Variants in TMTC2 observed in about 807,000 individuals in gnomAD.
The protein encoded by TMTC2 is protein O-mannosyl-transferase TMTC2.
A neutral mutation model predicts 82.4 loss-of-function variants in TMTC2; 43 were observed. The observed-to-expected ratio is 0.52, with a 90% confidence interval of 0.41 to 0.67. TMTC2 has a LOEUF of 0.67. Among genes scored for constraint, TMTC2 ranks in the 30% least tolerant of loss-of-function variants. The pLI is 0.00. For missense variants in TMTC2, 919 were observed against 1,012.4 expected, an observed-to-expected ratio of 0.91 and a Z score of 1.25; for synonymous variants, 408 against 381.9, an observed-to-expected ratio of 1.07 and a Z score of -0.80.
intron 1 of TMTC2, among the ~76,000 whole-genome samples, chr12:82,720,507 C>T (rs4509844): frequency 0.29 from 43,587 of 151,950 alleles, 7,370 homozygotes; most frequent in East Asian, 0.51. Flanking sequence ...GTTGTTTCCA[C>T]CTGTTGGTGA....
At chr12:82,820,971 G>C (rs548259618) in intron 1 of TMTC2, among the ~76,000 whole-genome samples, 1 of 152,082 alleles carries the variant, frequency 6.6e-6, no homozygotes, top group Admixed American at 6.5e-5. Context: ...CGATCTTCCT[G>C]CCTCCACTTC....
At chr12:83,038,185 T>C (rs1347271971) in intron 9 of TMTC2, among the ~76,000 whole-genome samples, 1 of 150,552 alleles carries the variant, frequency 6.6e-6, no homozygotes, top group East Asian at 2.0e-4. Context: ...ATACCTAATG[T>C]TAAATGACGA....
At chr12:82,801,842 C>T (rs1029680078) in intron 1 of TMTC2, among the ~76,000 whole-genome samples, 15 of 152,224 alleles carry the variant, frequency 9.9e-5, no homozygotes, top group East Asian at 3.9e-4. Flanking sequence ...CTGAGCTAGA[C>T]GCAGGGTGCT....
chr12:82,749,138 G>T (rs939019202), intron 1 of TMTC2, among the ~76,000 whole-genome samples: 3 of 152,180 alleles, frequency 2.0e-5, no homozygotes, highest in Non-Finnish European at 4.4e-5. Context: ...CGTCAAATAT[G>T]TGCATAGCAC....
chr12:82,833,850 T>G (rs1869885426), intron 1 of TMTC2, among the ~76,000 whole-genome samples: 1 of 152,192 alleles, frequency 6.6e-6, no homozygotes, highest in Admixed American at 6.5e-5. Context: ...TGGTCTTCTC[T>G]TAAACAAAAC....
At chr12:83,084,128 A>G (rs1352440258) in intron 11 of TMTC2, among the ~76,000 whole-genome samples, 2 of 152,208 alleles carry the variant, frequency 1.3e-5, no homozygotes, top group East Asian at 3.8e-4. Context: ...GAAATTCAGA[A>G]TCACTCAGAT....
chr12:82,906,153 C>T (rs1163597862), intron 3 of TMTC2, among the ~76,000 whole-genome samples: 1 of 151,978 alleles, frequency 6.6e-6, no homozygotes, highest in Non-Finnish European at 1.5e-5. Context: ...AGCCTCTAAG[C>T]CATGTAAAAA....
At chr12:82,776,880 G>T (rs1034923188) in intron 1 of TMTC2, among the ~76,000 whole-genome samples, 1 of 152,126 alleles carries the variant, frequency 6.6e-6, no homozygotes, top group African/African-American at 2.4e-5. Flanking sequence ...TGAGTCTGCT[G>T]CAAGCTATGA....
chr12:82,838,596 G>A (rs1415216963), intron 1 of TMTC2, among the ~76,000 whole-genome samples: 2 of 152,166 alleles, frequency 1.3e-5, no homozygotes, highest in Non-Finnish European at 2.9e-5. Flanking sequence ...TAAAACAACT[G>A]TTGATCTTTA....
intron 11 of TMTC2, among the ~76,000 whole-genome samples, chr12:83,110,934 C>T (rs996878397): frequency 6.6e-6 from 1 of 152,220 alleles, no homozygotes; most frequent in East Asian, 1.9e-4. Flanking sequence ...TTAGTGTCTC[C>T]ACATGTAGAG....
intron 11 of TMTC2, among the ~76,000 whole-genome samples, chr12:83,089,387 CAT>C (rs1385635130): frequency 6.6e-6 from 1 of 152,204 alleles, no homozygotes; most frequent in Non-Finnish European, 1.5e-5. Context: ...CTGAACGGCA[CAT>C]AGTAAACACT....
intron 1 of TMTC2, among the ~76,000 whole-genome samples, chr12:82,823,682 G>A (rs991508849): frequency 3.9e-5 from 6 of 152,124 alleles, no homozygotes; most frequent in Non-Finnish European, 1.5e-5. Context: ...TAGTTCAGAT[G>A]TTGGTGGTCA....
intron 2 of TMTC2, among the ~76,000 whole-genome samples, chr12:82,879,162 A>G (rs1333656408): frequency 6.6e-6 from 1 of 152,180 alleles, no homozygotes; most frequent in African/African-American, 2.4e-5. Flanking sequence ...TGTCTCTTAT[A>G]TCAGTTACCA....
intron 1 of TMTC2, among the ~76,000 whole-genome samples, chr12:82,767,089 G>A (rs566402709): frequency 3.9e-5 from 6 of 152,066 alleles, no homozygotes; most frequent in Admixed American, 6.5e-5. Flanking sequence ...AAACATGTGA[G>A]GGCTCCTTCA....
chr12:82,815,080 A>G (rs1026007950), intron 1 of TMTC2, among the ~76,000 whole-genome samples: 21 of 151,928 alleles, frequency 1.4e-4, no homozygotes, highest in African/African-American at 5.1e-4. Flanking sequence ...GTAGTGTGTG[A>G]CAAACATCAG....
chr12:82,836,065 A>C lies in TMTC2; in HGVS notation c.84-20945A>C, dbSNP rs370523568. On this transcript the variant is annotated intron_variant, in intron 1 of 11. Coordinates refer to ENST00000321196, the MANE Select transcript of TMTC2 (RefSeq NM_152588.3). ...TTCCTTTGATAATCTAGCAAAAAAT[A>C]AGAAATAGCAGTAATTTTTATTTAC... 3.3e-5 allele frequency among the ~76,000 whole-genome samples: 5 copies of C among 152,370 alleles called. No individual in the cohort carries two copies. In the East Asian group the frequency reaches 9.6e-4, roughly 29 times the overall value.
chr12:82,997,344 G>GTGTATATATATATATATATATA (rs1565844967), intron 8 of TMTC2, among the ~76,000 whole-genome samples: 3 of 21,012 alleles, frequency 1.4e-4, no homozygotes, highest in African/African-American at 3.6e-4. Context: ...GTGTGTGTGT[G>GTGTATATATATATATATATATA]TGTGTATATA....
chr12:83,108,774 G>A (rs929226774), intron 11 of TMTC2, among the ~76,000 whole-genome samples: 1 of 152,056 alleles, frequency 6.6e-6, no homozygotes, highest in East Asian at 1.9e-4. Flanking sequence ...GAAGGTCCCC[G>A]AACTATAAGT....
intron 11 of TMTC2, among the ~76,000 whole-genome samples, chr12:83,103,731 A>T (rs1239408707): frequency 6.6e-6 from 1 of 152,172 alleles, no homozygotes; most frequent in Non-Finnish European, 1.5e-5. Flanking sequence ...ACACTGCAAA[A>T]CATAATCATG....
Sources: allele counts gnomAD v4.1 joint callset (sites outside exome capture counted in the v4.1 genomes callset), GRCh38; gene constraint gnomAD v4.1.1; transcripts MANE v1.5; gene names NCBI Gene and HGNC (gene_info 2026-07-23, HGNC 2026-07-21).